Variants in LZTFL1 observed in about 807,000 individuals in gnomAD.
LZTFL1 encodes leucine zipper transcription factor-like protein 1.
A neutral mutation model predicts 45.9 loss-of-function variants in LZTFL1; 25 were observed. The observed-to-expected ratio is 0.54, with a 90% CI of 0.40 to 0.76. The LOEUF (loss-of-function observed/expected upper bound fraction) is 0.76. LZTFL1 is among the 30% of genes least tolerant of loss of function. The pLI is 0.00. For synonymous variants in LZTFL1, 93 were observed against 117.4 expected (o/e 0.79, Z 1.35); for missense variants, 277 against 331.1 (o/e 0.84, Z 1.27).
At chr3:45,826,399 AC>A in intron 9 of LZTFL1, 67 bp from the exon 10 acceptor site, 5 of 1,307,978 alleles carry the variant, frequency 3.8e-6, no homozygotes, top group Non-Finnish European at 5.5e-6. Flanking sequence ...AAATAAGTTT[AC>A]TTGAAGCAGT....
intron 2 of LZTFL1, among the ~76,000 whole-genome samples, chr3:45,890,088 C>T (rs1185312303): frequency 6.7e-6 from 1 of 149,782 alleles, no homozygotes; most frequent in Non-Finnish European, 1.5e-5. Context: ...AATGTCGTTA[C>T]CATCTATTGC....
chr3:45,842,700 C>T (rs1228523451), upstream of LZTFL1, among the ~76,000 whole-genome samples: 5 of 152,112 alleles, frequency 3.3e-5, no homozygotes, highest in African/African-American at 9.7e-5. Flanking sequence ...GGGTTTTCTC[C>T]GAGAGCAGTG....
intron 2 of LZTFL1, chr3:45,883,808 T>C: frequency 1.9e-6 from 1 of 537,690 alleles, no homozygotes; most frequent in Non-Finnish European, 3.5e-6. Context: ...CCCAAGACCA[T>C]GAAGAGTGAG....
upstream of LZTFL1, chr3:45,915,645 A>C (rs1254473678): frequency 2.6e-6 from 1 of 382,276 alleles, no homozygotes; most frequent in East Asian, 7.5e-5. Context: ...TTTTTAGCTA[A>C]AAAAGACTTA....
Position 45,824,542 on chromosome 3 carries a change from G to T in LZTFL1, c.*1772C>A. 1 of 322,076 alleles carries T rather than the reference G, an allele frequency of 3.1e-6. No individual in the cohort carries two copies. Among genetic ancestry groups the T allele is most frequent in the Non-Finnish European group, 5.6e-6 (1 of 178,958 alleles). The allele number at this position is 322,076 out of a possible 1,614,324, so 20.0% of individuals were successfully genotyped here. On this transcript the variant is annotated 3_prime_UTR_variant, in exon 10 of 10. Transcript: ENST00000296135. ...TTTTGAATTTATTATTAAACAATAG[G>T]AACGTACTGTACAGAATATTTCAAA...
chr3:45,831,187 A>G, intron 5 of LZTFL1, 49 bp from the exon 6 acceptor site: 1 of 956,626 alleles, frequency 1.0e-6, no homozygotes, highest in Non-Finnish European at 1.5e-6. Context: ...ATATTTTAAT[A>G]TTTGAAATTA....
chr3:45,862,310 C>T (rs537198377), intron 2 of LZTFL1, among the ~76,000 whole-genome samples: 5 of 152,230 alleles, frequency 3.3e-5, no homozygotes, highest in Non-Finnish European at 5.9e-5. Flanking sequence ...AAAAACCCTT[C>T]AGCCTCCACT....
chr3:45,844,834 C>G (rs1385347643), upstream of LZTFL1, among the ~76,000 whole-genome samples: 1 of 152,166 alleles, frequency 6.6e-6, no homozygotes, highest in East Asian at 1.9e-4. Flanking sequence ...TGCTGACAAA[C>G]TAGATTAGTG....
intron 7 of LZTFL1, among the ~76,000 whole-genome samples, chr3:45,830,416 G>A (rs67959919): frequency 0.062 from 9,432 of 152,174 alleles, 501 homozygotes; most frequent in South Asian, 0.27. Flanking sequence ...CTATGGTGCC[G>A]GCGGGTACAG....
intron 3 of LZTFL1, among the ~76,000 whole-genome samples, chr3:45,857,788 CCTT>C (rs1442089903): frequency 1.3e-5 from 2 of 152,290 alleles, no homozygotes; most frequent in South Asian, 2.1e-4. Flanking sequence ...TTCTCATAAA[CCTT>C]CTGTCTCCAC....
At chr3:45,827,867 A>C (rs537739380) in intron 8 of LZTFL1, among the ~76,000 whole-genome samples, 22 of 151,100 alleles carry the variant, frequency 1.5e-4, no homozygotes, top group African/African-American at 4.8e-4. Flanking sequence ...TATATGAAAA[A>C]ATTTTTAATT....
intron 2 of LZTFL1, among the ~76,000 whole-genome samples, chr3:45,904,781 A>G (rs892999988): frequency 1.3e-5 from 2 of 152,192 alleles, no homozygotes; most frequent in African/African-American, 4.8e-5. Flanking sequence ...AAGCTGTCTC[A>G]CACTTCCAGA....
At chr3:45,884,388 C>A (rs1575288053) in intron 2 of LZTFL1, among the ~76,000 whole-genome samples, 1 of 152,264 alleles carries the variant, frequency 6.6e-6, no homozygotes, top group South Asian at 2.1e-4. Flanking sequence ...GACTTCCTTG[C>A]GTCTTCCCTT....
In LZTFL1 at chr3:45,901,227, G is replaced by A; in HGVS notation, c.-215+11893C>T. ...GTGCATCAGCGTGGACAGGTACATT[G>A]CCATTGCCCAGGCCATGAGAGCACA... On this transcript the variant is annotated intron_variant, in intron 2 of 4. Coordinates refer to the LZTFL1 transcript ENST00000472635. The surrounding 1 kb of genome is among the most constrained non-coding windows in gnomAD (Gnocchi z 4.3). 1 of 1,614,180 alleles carries A rather than the reference G, an allele frequency of 6.2e-7. No individual in the cohort carries two copies. Among genetic ancestry groups the A allele is most frequent in the Non-Finnish European group, 8.5e-7 (1 of 1,180,016 alleles).
chr3:45,840,596 A>G (rs1701082795), intron 1 of LZTFL1, among the ~76,000 whole-genome samples: 1 of 152,254 alleles, frequency 6.6e-6, no homozygotes, highest in East Asian at 1.9e-4. Flanking sequence ...ATTTGTTTGA[A>G]TTTTATTGTA....
chr3:45,875,897 T>C (rs1701743269), intron 2 of LZTFL1, among the ~76,000 whole-genome samples: 1 of 152,184 alleles, frequency 6.6e-6, no homozygotes, highest in East Asian at 1.9e-4. Context: ...AGTGTCTCTT[T>C]AGAGGATGTG....
At chr3:45,884,986 C>T (rs1050322922) in intron 2 of LZTFL1, among the ~76,000 whole-genome samples, 7 of 116,080 alleles carry the variant, frequency 6.0e-5, no homozygotes, top group African/African-American at 3.8e-4. Context: ...TCACGGCTCC[C>T]TCGCACCGCC....
At chr3:45,898,762 A>C (rs985825790) in intron 2 of LZTFL1, among the ~76,000 whole-genome samples, 1 of 152,240 alleles carries the variant, frequency 6.6e-6, no homozygotes, top group Admixed American at 6.5e-5. Context: ...CCACAAACAC[A>C]CACACAACAG....
At chr3:45,851,199 T>G (rs569804214) in intron 4 of LZTFL1, among the ~76,000 whole-genome samples, 12 of 151,040 alleles carry the variant, frequency 7.9e-5, no homozygotes, top group African/African-American at 2.9e-4. Flanking sequence ...AAACCTTGCC[T>G]CTAACTTGAT....
Sources: allele counts gnomAD v4.1 joint callset (sites outside exome capture counted in the v4.1 genomes callset), GRCh38; gene constraint gnomAD v4.1.1; non-coding constraint Gnocchi (gnomAD v3.1); transcripts MANE v1.5; gene names NCBI Gene and HGNC (gene_info 2026-07-23, HGNC 2026-07-21).